The following PADI2 variants were observed in gnomAD, a reference collection of about 807,000 sequenced individuals.
PADI2 encodes the protein peptidyl arginine deiminase 2, also known as protein-arginine deiminase type-2.
PADI2 carries 70 observed loss-of-function variants against 81.1 expected under a neutral mutation model. The ratio of observed to expected loss-of-function variants is 0.86; its 90% CI spans 0.71 to 1.05. The LOEUF is 1.05. Ranked by LOEUF, PADI2 falls within the 50% of genes least tolerant of loss-of-function variation. PADI2 has a pLI of 0.00. For synonymous variants in PADI2, 338 were observed against 358.0 expected (o/e 0.94, Z 0.63); for missense variants, 853 against 889.9 (o/e 0.96, Z 0.53).
At position 17,104,684 on chromosome 1, in the gene PADI2, C is replaced by T. The variant is rs537505553; in HGVS notation, c.276+194G>A. ...TCCTGACCTTGTGATCCACCCGCCT[C>T]GGCCTCCCAAAGTGCTGGGATTACA... is the stretch of plus-strand genomic sequence containing the variant. On this transcript the variant is annotated intron_variant, in intron 2 of 15. Transcript: ENST00000375486. 3.9e-5 allele frequency among the ~76,000 whole-genome samples: 6 copies of T among 152,186 alleles called. No individual in the cohort carries two copies. The South Asian group carries it at 6.2e-4, about 16-fold the overall frequency.
chr1:17,112,968 C>T (rs1931635593), intron 1 of PADI2, among the ~76,000 whole-genome samples: 1 of 152,248 alleles, frequency 6.6e-6, no homozygotes, highest in Admixed American at 6.5e-5. Context: ...TGCCAGTTAT[C>T]TCTGCCCCTG....
rs562649682 is a variant in PADI2, at chr1:17,107,133, T to C, written c.93-2072A>G. ...GAGGCCCAAGAGGGCTCAGAGGGAC[T>C]TAGGTGGGATTCTCGTGGGATTTGT... On this transcript the variant is annotated intron_variant, in intron 1 of 15. Coordinates refer to ENST00000375486, the MANE Select transcript of PADI2 (RefSeq NM_007365.3). Among the ~76,000 whole-genome samples, 3 of 152,202 alleles carry C rather than the reference T, an allele frequency of 2.0e-5. No individual in the cohort carries two copies. In the East Asian group the frequency reaches 5.8e-4, roughly 29 times the overall value.
intron 1 of PADI2, among the ~76,000 whole-genome samples, chr1:17,118,102 G>A (rs960270482): frequency 2.0e-5 from 3 of 152,192 alleles, no homozygotes; most frequent in African/African-American, 7.2e-5. Context: ...TTGGGCAGGT[G>A]GGAGGGCTGC....
At chr1:17,088,784 G>A (rs185724058) in intron 6 of PADI2, among the ~76,000 whole-genome samples, 86 of 151,908 alleles carry the variant, frequency 5.7e-4, no homozygotes, top group African/African-American at 1.9e-3. Flanking sequence ...GTGCGTGCCT[G>A]TAATCCTAGC....
intron 8 of PADI2, among the ~76,000 whole-genome samples, chr1:17,084,066 A>G (rs2078367657): frequency 6.6e-6 from 1 of 151,996 alleles, no homozygotes. Context: ...TGAGGGGGGG[A>G]ACTCTCACCC....
rs749733280 is a variant in PADI2, at chr1:17,095,981, G to A, written c.350-11C>T. On this transcript the variant is annotated splice_polypyrimidine_tract_variant and intron_variant, in intron 3 of 15. Coordinates refer to ENST00000375486, the MANE Select transcript of PADI2 (RefSeq NM_007365.3). ...CATCCAGGGAGATCTCTGGGGAGAA[G>A]AGACATGGGTGAGTTGCTGAGCCTG... 1 of 1,600,250 alleles carries A rather than the reference G, an allele frequency of 6.2e-7. No homozygotes were observed.
intron 2 of PADI2, 63 bp from the exon 3 acceptor site, chr1:17,103,122 C>T (rs902836561): frequency 2.6e-5 from 33 of 1,252,030 alleles, no homozygotes; most frequent in Non-Finnish European, 3.7e-5. Flanking sequence ...AGATCACAAG[C>T]AGGAAAACCT....
chr1:17,101,357 T>C (rs978224597), intron 3 of PADI2, among the ~76,000 whole-genome samples: 1 of 152,196 alleles, frequency 6.6e-6, no homozygotes, highest in Non-Finnish European at 1.5e-5. Flanking sequence ...ATCATCCTCA[T>C]TTGACAGGTG....
chr1:17,084,694 G>A lies in PADI2; in HGVS notation c.843C>T (p.Pro281=). 1 of 1,555,234 alleles carries A rather than the reference G, an allele frequency of 6.4e-7. No homozygotes were observed. The highest frequency in any genetic ancestry group is 2.4e-5 in the East Asian group (1 of 41,058). ...SLLEYMAQDI[P]LTPIFTDTVI... ...CGGTGTCCGTGAAGATGGGAGTCAG[G>A]GGAATGTCCTGGGTGTGGGAGACAA... Residue 281 remains proline (P), a synonymous_variant, in exon 8 of 16, where the codon CCC becomes CCT. Transcript: ENST00000375486.
chr1:17,073,465 GT>G (rs2101571959), intron 13 of PADI2, among the ~76,000 whole-genome samples: 1 of 151,392 alleles, frequency 6.6e-6, no homozygotes, highest in Admixed American at 6.6e-5. Flanking sequence ...CTGATGGTTA[GT>G]CAGCATTGTA....
intron 3 of PADI2, among the ~76,000 whole-genome samples, chr1:17,099,588 C>T (rs1025784100): frequency 1.3e-5 from 2 of 152,154 alleles, no homozygotes; most frequent in Non-Finnish European, 2.9e-5. Context: ...GGGATTGGGA[C>T]AAAGACCCAG....
intron 15 of PADI2, among the ~76,000 whole-genome samples, chr1:17,069,866 A>C (rs2078252904): frequency 6.6e-6 from 1 of 152,226 alleles, no homozygotes; most frequent in Admixed American, 6.5e-5. Context: ...CTGTTAAGGA[A>C]AAGGGTTCCC....
At position 17,119,321 on chromosome 1, in the gene PADI2, C is replaced by T. The variant is rs767083179; in HGVS notation, c.51G>A (p.Ala17=). The T allele has an allele frequency of 6.4e-7, 1 of 1,558,994 alleles. No individual in the cohort carries two copies. Residue 17 remains alanine (A), a synonymous_variant, in exon 1 of 16, where the codon GCG becomes GCA. Coordinates refer to ENST00000375486, the MANE Select transcript of PADI2 (RefSeq NM_007365.3). The surrounding 1 kb of genome is among the most constrained non-coding windows in gnomAD (Gnocchi z 4.8). ...AGAGGTAGGTGCCCAGCACGTACAC[C>T]GCCTCCACGCGGCTCCCGTACTGCA... is the stretch of plus-strand genomic sequence containing the variant. ...VRLQYGSRVE[A]VYVLGTYLWT...
intron 1 of PADI2, among the ~76,000 whole-genome samples, chr1:17,114,488 AG>A (rs1267510663): frequency 2.0e-5 from 3 of 152,304 alleles, no homozygotes; most frequent in African/African-American, 7.2e-5. Context: ...AGCTGCGAAA[AG>A]GGGACAATAA....
At chr1:17,086,396 T>C (rs1930426854) in intron 7 of PADI2, 125 bp downstream of exon 7, 4 of 756,508 alleles carry the variant, frequency 5.3e-6, no homozygotes, top group Non-Finnish European at 8.3e-6. Flanking sequence ...CGAGGTCTCC[T>C]AGCCTGGACC....
chr1:17,104,680 G>A (rs568499171), intron 2 of PADI2, among the ~76,000 whole-genome samples, 198 bp downstream of exon 2: 90 of 152,044 alleles, frequency 5.9e-4, no homozygotes, highest in Non-Finnish European at 1.2e-3. Flanking sequence ...TGATCCACCC[G>A]CCTCGGCCTC....
chr1:17,087,464 A>G (rs1930513231), intron 6 of PADI2, among the ~76,000 whole-genome samples: 2 of 149,684 alleles, frequency 1.3e-5, no homozygotes, highest in African/African-American at 4.9e-5. Flanking sequence ...TGCCATCTCC[A>G]TCACAGTCTT....
chr1:17,101,392 C>T (rs939178168), intron 3 of PADI2, among the ~76,000 whole-genome samples: 11 of 152,146 alleles, frequency 7.2e-5, no homozygotes, highest in African/African-American at 2.2e-4. Context: ...TTCCTGCCCC[C>T]GTCCTCAGGT....
At chr1:17,069,348 G>T in intron 15 of PADI2, 71 bp from the exon 16 acceptor site, 1 of 1,192,740 alleles carries the variant, frequency 8.4e-7, no homozygotes, top group Non-Finnish European at 1.2e-6. Flanking sequence ...CCTATCCTAA[G>T]CTCATGGAAC....
Sources: gnomAD v4.1 joint callset for allele counts (sites outside exome capture counted in the v4.1 genomes callset) on GRCh38, gnomAD v4.1.1 for gene constraint, Gnocchi (gnomAD v3.1) non-coding constraint, MANE v1.5 for transcripts, NCBI Gene and HGNC (gene_info 2026-07-23, HGNC 2026-07-21) for gene names.